The following HIF1A variants were observed in gnomAD, a reference collection of about 807,000 sequenced individuals.
HIF1A encodes hypoxia-inducible factor 1-alpha.
HIF1A carries 24 observed loss-of-function variants against 92.7 expected under a neutral mutation model. That is an observed-to-expected ratio of 0.26 (90% confidence interval 0.19 to 0.36). The LOEUF is 0.36. Among genes scored for constraint, HIF1A ranks in the 10% least tolerant of loss-of-function variants. The pLI is 1.00. For missense variants in HIF1A, 799 were observed against 998.5 expected (o/e 0.80, Z 2.69); for synonymous variants, 319 against 338.7 (o/e 0.94, Z 0.64).
intron 4 of HIF1A, among the ~76,000 whole-genome samples, chr14:61,723,788 T>G (rs1407607584): frequency 6.6e-6 from 1 of 152,238 alleles, no homozygotes; most frequent in Non-Finnish European, 1.5e-5. Flanking sequence ...CTAAATCAGA[T>G]AGTCTTAATA....
Position 61,713,694 on chromosome 14 carries a change from T to C in HIF1A, c.36-6688T>C, listed in dbSNP as rs114507966. On this transcript the variant is annotated intron_variant, in intron 1 of 14. Transcript: ENST00000337138. The stretch of plus-strand genomic sequence containing the variant: ...CATGTGTATCCTTATTAATATCCTC[T>C]ATTATAAACTGGTAAACATGTTTCC... Among the ~76,000 whole-genome samples the C allele has an allele frequency of 8.9e-3, 1,362 of 152,312 alleles. 15 individuals are homozygous for C. The highest frequency in any genetic ancestry group is 0.03 in the African/African-American group (1,259 of 41,562).
chr14:61,702,543 T>C (rs898727532), intron 1 of HIF1A, among the ~76,000 whole-genome samples: 8 of 152,060 alleles, frequency 5.3e-5, no homozygotes, highest in African/African-American at 1.9e-4. Flanking sequence ...CTTTGACTTT[T>C]TTTGATATAG....
rs61755644 is a variant in HIF1A, at chr14:61,732,462, G to A, written c.818G>A (p.Arg273His). 2.4e-5 allele frequency: 38 copies of A among 1,610,856 alleles called. No individual in the cohort carries two copies. Among genetic ancestry groups the A allele is most frequent in the Middle Eastern group, 3.3e-4 (2 of 6,074 alleles). ...MGYEPEELLG[R>H]SIYEYYHALD... ...TATGAGCCAGAAGAACTTTTAGGCC[G>A]CTCAATTTATGAATATTATCATGCT... is the stretch of plus-strand genomic sequence containing the variant. The change falls in exon 7 of 15, where the codon CGC (arginine) becomes CAC (histidine). Residue 273 changes from arginine (R) to histidine (H), a missense_variant. This residue lies in a region of HIF1A where 516 missense variants were observed against 721.0 expected (regional missense o/e 0.72). Coordinates refer to ENST00000337138, the MANE Select transcript of HIF1A (RefSeq NM_001530.4).
Position 61,738,163 on chromosome 14 carries a change from A to G in HIF1A, c.1326A>G (p.Lys442=), listed in dbSNP as rs1056570850. ...TAATGCTCCCCTCACCCAACGAAAA[A>G]TTACAGAATATAAATTTGGCAATGT... The part of the protein sequence containing the change: ...NDVMLPSPNE[K]LQNINLAMSP... The change falls in exon 10 of 15, where the codon AAA becomes AAG. Residue 442 remains lysine (K), a synonymous_variant. Coordinates refer to ENST00000337138, the MANE Select transcript of HIF1A (RefSeq NM_001530.4). 6.2e-7 allele frequency: 1 copy of G among 1,614,152 alleles called. No homozygotes were observed. Among genetic ancestry groups the G allele is most frequent in the Non-Finnish European group, 8.5e-7 (1 of 1,180,018 alleles).
chr14:61,707,463 C>G (rs563198580), intron 1 of HIF1A, among the ~76,000 whole-genome samples: 2 of 152,258 alleles, frequency 1.3e-5, no homozygotes, highest in East Asian at 1.9e-4. Flanking sequence ...CCGCTCCCCC[C>G]ACCCCACAAC....
chr14:61,696,939 C>A (rs2044124013), intron 1 of HIF1A, among the ~76,000 whole-genome samples: 1 of 152,114 alleles, frequency 6.6e-6, no homozygotes, highest in Admixed American at 6.6e-5. Context: ...GTGAGTTGGA[C>A]CAGTGGTGTT....
At chr14:61,715,940 A>T (rs912406370) in intron 1 of HIF1A, 1 of 152,206 alleles carries the variant, frequency 6.6e-6, no homozygotes, top group Non-Finnish European at 1.5e-5. Context: ...TCGAGGCTGC[A>T]GTGAGCTTAT....
rs555326023 is a variant in HIF1A at position 61,716,296 on chromosome 14, C to T, written c.36-4086C>T. On this transcript the variant is annotated intron_variant, in intron 1 of 14. Coordinates refer to ENST00000337138, the MANE Select transcript of HIF1A (RefSeq NM_001530.4). ...TGTATTTTAAAAAATTTCAGTAGCA[C>T]ATTTTTTATATCATGAAATTTCACT... Among the ~76,000 whole-genome samples the T allele has an allele frequency of 1.5e-4, 23 of 152,268 alleles. 1 individual carries two copies. The highest frequency in any genetic ancestry group is 2.1e-4 in the Non-Finnish European group (14 of 68,022).
At chr14:61,724,349 T>TCTCTCTCTC (rs1555338397) in intron 4 of HIF1A, among the ~76,000 whole-genome samples, 37 of 96,122 alleles carry the variant, frequency 3.8e-4, no homozygotes, top group South Asian at 8.6e-4. Flanking sequence ...CACACACACA[T>TCTCTCTCTC]TCTCTCTCTC....
At chr14:61,722,172 C>T (rs1422430850) in intron 4 of HIF1A, among the ~76,000 whole-genome samples, 6 of 151,674 alleles carry the variant, frequency 4.0e-5, no homozygotes, top group South Asian at 2.1e-4. Flanking sequence ...CAGCCTTGAC[C>T]GCTGGGACTC....
chr14:61,731,515 C>A (rs922326201), intron 6 of HIF1A, among the ~76,000 whole-genome samples: 2 of 152,150 alleles, frequency 1.3e-5, no homozygotes, highest in African/African-American at 4.8e-5. Context: ...TCATGTAATG[C>A]CAAAAACTAA....
intron 12 of HIF1A, among the ~76,000 whole-genome samples, chr14:61,743,221 A>G (rs952701686): frequency 1.3e-5 from 2 of 151,822 alleles, no homozygotes; most frequent in South Asian, 2.1e-4. Flanking sequence ...ACAGGCATGC[A>G]CCACCACACC....
At chr14:61,744,408 G>A (rs1351736621) in intron 12 of HIF1A, among the ~76,000 whole-genome samples, 1 of 151,538 alleles carries the variant, frequency 6.6e-6, no homozygotes, top group African/African-American at 2.4e-5. Flanking sequence ...TACTTGAGAG[G>A]CTGAGGTGGG....
Position 61,695,827 on chromosome 14 carries a change from A to G in HIF1A, c.23A>G (p.Asn8Ser). Residue 8 changes from asparagine (N) to serine (S), a missense_variant, in exon 1 of 15, where the codon AAC becomes AGC. Transcript: ENST00000337138. MEGAGGA[N>S]DKKKISSERR... ...ACCATGGAGGGCGCCGGCGGCGCGA[A>G]CGACAAGAAAAAGTAAGCCCATTCC... is the stretch of plus-strand genomic sequence containing the variant. 1 of 1,593,108 alleles carries G rather than the reference A, an allele frequency of 6.3e-7. No individual in the cohort carries two copies. The highest frequency in any genetic ancestry group is 1.3e-5 in the African/African-American group (1 of 74,836).
intron 1 of HIF1A, among the ~76,000 whole-genome samples, chr14:61,712,325 A>G (rs1308500027): frequency 6.6e-6 from 1 of 152,064 alleles, no homozygotes; most frequent in Non-Finnish European, 1.5e-5. Flanking sequence ...TGGTTAGAAC[A>G]GAATGAGCAA....
chr14:61,744,089 G>A (rs1367157932), intron 12 of HIF1A, among the ~76,000 whole-genome samples: 1 of 152,152 alleles, frequency 6.6e-6, no homozygotes, highest in Non-Finnish European at 1.5e-5. Context: ...TATTTCAATA[G>A]TCCCAACAAT....
chr14:61,721,618 T>G lies in HIF1A; in HGVS notation c.336T>G (p.Ile112Met). The change falls in exon 3 of 15, where the codon ATT becomes ATG. Residue 112 changes from isoleucine to methionine, a missense_variant. Physicochemically the swap from Ile to Met is conservative, Grantham distance 10. This residue lies in a region of HIF1A where 516 missense variants were observed against 721.0 expected (regional missense o/e 0.72). Transcript: ENST00000337138. Reference sequence around the variant, plus strand: ...CAGATGATGGTGACATGATTTACATTTCTGATAATGTGAACAAATACATGG... The same window carrying G: ...CAGATGATGGTGACATGATTTACATGTCTGATAATGTGAACAAATACATGG... The part of the protein sequence containing the change: ...VLTDDGDMIY[I>M]SDNVNKYMGL... The G allele has an allele frequency of 6.2e-7, 1 of 1,613,334 alleles. No homozygotes were observed. Among genetic ancestry groups the G allele is most frequent in the Non-Finnish European group, 8.5e-7 (1 of 1,179,430 alleles).
At chr14:61,731,993 G>A (rs1594879372) in intron 6 of HIF1A, among the ~76,000 whole-genome samples, 2 of 152,156 alleles carry the variant, frequency 1.3e-5, no homozygotes, top group East Asian at 3.9e-4. Flanking sequence ...AAAATTAGCT[G>A]GGCATGGTGG....
In HIF1A at chr14:61,744,690, T is replaced by A; in HGVS notation, c.2094-15T>A. 8.7e-7 allele frequency: 1 copy of A among 1,152,646 alleles called. No homozygotes were observed. Among genetic ancestry groups the A allele is most frequent in the South Asian group, 1.3e-5 (1 of 74,104 alleles). The allele number at this position is 1,152,646 out of a possible 1,614,324, so 71.4% of individuals were successfully genotyped here. A position where few individuals can be genotyped will look rare whatever the true frequency, so the allele number is the denominator to read the frequency against. On this transcript the variant is annotated splice_polypyrimidine_tract_variant and intron_variant, in intron 12 of 14. Transcript: ENST00000337138. Reference sequence around the variant, plus strand: ...AAAAACGCTATATTTTCATTTAGAATTTTTTTCTTTTCAGAACTACAGTTC... The same window carrying A: ...AAAAACGCTATATTTTCATTTAGAAATTTTTTCTTTTCAGAACTACAGTTC...
Sources: allele counts gnomAD v4.1 joint callset (sites outside exome capture counted in the v4.1 genomes callset), GRCh38; gene constraint gnomAD v4.1.1; regional missense constraint gnomAD v4.1.1; transcripts MANE v1.5; gene names NCBI Gene and HGNC (gene_info 2026-07-23, HGNC 2026-07-21).